PTGES2: variants seen among roughly 807,000 people sequenced by gnomAD.
PTGES2 encodes prostaglandin E synthase 2.
A neutral mutation model predicts 44.5 loss-of-function variants in PTGES2; 35 were observed. The observed-to-expected ratio is 0.79, with a 90% CI of 0.60 to 1.04. The LOEUF (loss-of-function observed/expected upper bound fraction) is 1.04. PTGES2 is among the 50% of genes least tolerant of loss of function. The pLI, the probability that PTGES2 is intolerant of heterozygous loss-of-function variation, is 0.00. For missense variants in PTGES2, 517 were observed against 521.4 expected (o/e 0.99, Z 0.08); for synonymous variants, 221 against 227.5 (o/e 0.97, Z 0.26).
rs571006111 is a variant in PTGES2 at position 128,122,591 on chromosome 9, G to A, written c.888-112C>T. On this transcript the variant is annotated intron_variant, in intron 5 of 6. Transcript: ENST00000338961. ...GTGTGGAAGCCAGGACGGCACCCCA[G>A]GTGAGAGCATCACATCTGCAGACGC... is the stretch of plus-strand genomic sequence containing the variant. 27 of 865,024 alleles carry A rather than the reference G, an allele frequency of 3.1e-5. No individual in the cohort carries two copies. In the African/African-American group the frequency reaches 4.0e-4, roughly 13 times the overall value. 53.6% of individuals were successfully genotyped at this position (865,024 alleles called of 1,614,324 possible).
intron 6 of PTGES2, among the ~76,000 whole-genome samples, chr9:128,122,057 AG>A (rs1834430663): frequency 6.6e-6 from 1 of 152,128 alleles, no homozygotes; most frequent in African/African-American, 2.4e-5. Context: ...AGCCAACTCC[AG>A]GGAGGGCAGT....
At position 128,124,626 on chromosome 9, in the gene PTGES2, C is replaced by T. The variant is rs1010563795; in HGVS notation, c.478-76G>A. On this transcript the variant is annotated intron_variant, in intron 2 of 6. Transcript: ENST00000338961. ...AGTCACCAGGGGCTCTTTAACAAGA[C>T]ACTCTGGGCATTGTTTATCCATTCC... is the stretch of plus-strand genomic sequence containing the variant. 35 of 1,488,134 alleles carry T rather than the reference C, an allele frequency of 2.4e-5. No homozygotes were observed. The East Asian group carries it at 3.2e-4, about 14-fold the overall frequency. 92.2% of individuals were successfully genotyped at this position (1,488,134 alleles called of 1,614,324 possible).
rs563728106 is a variant in PTGES2, at chr9:128,122,275, G to A, written c.1005+87C>T. On this transcript the variant is annotated intron_variant, in intron 6 of 6. Coordinates refer to ENST00000338961, the MANE Select transcript of PTGES2 (RefSeq NM_025072.7). Reference sequence around the variant, plus strand: ...GGCAGGTTCCTCTGGCAAGATGCAAGCACCGTCCAGGCTTTCCCTTGCAAA... The same window carrying A: ...GGCAGGTTCCTCTGGCAAGATGCAAACACCGTCCAGGCTTTCCCTTGCAAA... 6.1e-5 allele frequency: 64 copies of A among 1,045,962 alleles called. No individual in the cohort carries two copies. In the Middle Eastern group the frequency reaches 1.0e-3, roughly 17 times the overall value. 64.8% of individuals were successfully genotyped at this position (1,045,962 alleles called of 1,614,324 possible). A position where few individuals can be genotyped will look rare whatever the true frequency, so the allele number is the denominator to read the frequency against.
chr9:128,121,137 G>C lies in PTGES2; in HGVS notation c.*8C>G, dbSNP rs201238358. 20 of 1,579,880 alleles carry C rather than the reference G, an allele frequency of 1.3e-5. No individual in the cohort carries two copies. The Admixed American group carries it at 3.5e-4, about 27-fold the overall frequency. On this transcript the variant is annotated 3_prime_UTR_variant, in exon 7 of 7. Coordinates refer to ENST00000338961, the MANE Select transcript of PTGES2 (RefSeq NM_025072.7). Reference sequence around the variant, plus strand: ...CCGCTGCCTTCCCTCTGCTCTGCGCGGGGACATTCAGTGCGCTGGGGAGGC... The same window carrying C: ...CCGCTGCCTTCCCTCTGCTCTGCGCCGGGACATTCAGTGCGCTGGGGAGGC...
chr9:128,125,296 A>C lies in PTGES2; in HGVS notation c.425T>G (p.Phe142Cys). ...GATGGGCACCTTTCTGTAGGAGGAGAACTTGATCTCAGCCCTGCGCACAGG... is the reference window on the plus strand; with the variant it reads ...GATGGGCACCTTTCTGTAGGAGGAGCACTTGATCTCAGCCCTGCGCACAGG... ...VNPVRRAEIK[F>C]SSYRKVPILV... is the part of the protein sequence containing the mutation. Residue 142 changes from phenylalanine to cysteine, a missense_variant, in exon 2 of 7, where the codon TTC becomes TGC. Physicochemically the swap from Phe to Cys is radical, Grantham distance 205 (BLOSUM62 -2). Transcript: ENST00000338961. 6.2e-7 allele frequency: 1 copy of C among 1,612,712 alleles called. No individual in the cohort carries two copies. The highest frequency in any genetic ancestry group is 8.5e-7 in the Non-Finnish European group (1 of 1,179,394).
chr9:128,128,199 CTCATTGTCCGCT>C (rs1834728130), upstream of PTGES2: 2 of 393,542 alleles, frequency 5.1e-6, no homozygotes, highest in Non-Finnish European at 1.0e-5. Context: ...GCCCTCCCGC[CTCATTGTCCGCT>C]TCCTACTGTG....
intron 6 of PTGES2, 79 bp from the exon 7 acceptor site, chr9:128,121,352 G>A: frequency 6.6e-7 from 1 of 1,526,444 alleles, no homozygotes. Flanking sequence ...CCAGCTGTGT[G>A]GCCAGGTCCC....
rs754317225 is a variant in PTGES2 at position 128,123,894 on chromosome 9, C to T, written c.537-43G>A. On this transcript the variant is annotated intron_variant, in intron 3 of 6. Coordinates refer to ENST00000338961, the MANE Select transcript of PTGES2 (RefSeq NM_025072.7). The surrounding 1 kb of genome is among the most constrained non-coding windows in gnomAD (Gnocchi z 4.4). ...ATATCACCCCAACTCCTTCCCCCTC[C>T]GTCCCCTGTGGCCGACCAACCCCGC... 3.2e-5 allele frequency: 51 copies of T among 1,596,452 alleles called. No individual in the cohort carries two copies. The highest frequency in any genetic ancestry group is 3.9e-5 in the Non-Finnish European group (46 of 1,166,578).
intron 1 of PTGES2, 64 bp from the exon 2 acceptor site, chr9:128,125,505 AG>A: frequency 6.6e-7 from 1 of 1,517,928 alleles, no homozygotes; most frequent in South Asian, 1.1e-5. Context: ...CCTGCCCCCA[AG>A]GGTGTTTTCC....
intron 1 of PTGES2, among the ~76,000 whole-genome samples, chr9:128,125,712 G>T (rs72756815): frequency 0.02 from 3,006 of 152,294 alleles, 46 homozygotes; most frequent in Non-Finnish European, 0.033. Flanking sequence ...ATACTGGACA[G>T]ACCCCTCTTT....
rs367943495 is a variant in PTGES2 at position 128,121,211 on chromosome 9, G to C, written c.1068C>G (p.His356Gln). 1 of 1,598,708 alleles carries C rather than the reference G, an allele frequency of 6.3e-7. No individual in the cohort carries two copies. The highest frequency in any genetic ancestry group is 1.1e-5 in the South Asian group (1 of 88,502). The change falls in exon 7 of 7, where the codon CAC becomes CAG. Residue 356 changes from histidine to glutamine, a missense_variant. Physicochemically the swap from His to Gln is conservative, Grantham distance 24 (BLOSUM62 0). Coordinates refer to ENST00000338961, the MANE Select transcript of PTGES2 (RefSeq NM_025072.7). ...GLDAFDDLMQ[H>Q]THIQPWYLRV... ...GCAGGTACCAGGGCTGGATGTGCGT[G>C]TGCTGCATCAGGTCATCGAACGCAT...
chr9:128,128,258 C>G (rs1834730848), upstream of PTGES2: 1 of 454,754 alleles, frequency 2.2e-6, no homozygotes, highest in Non-Finnish European at 4.4e-6. Flanking sequence ...CCGAAGGGGC[C>G]TTGGAAACCA....
At chr9:128,126,042 G>A (rs992370391) in intron 1 of PTGES2, among the ~76,000 whole-genome samples, 1 of 152,354 alleles carries the variant, frequency 6.6e-6, no homozygotes, top group East Asian at 1.9e-4. Flanking sequence ...TCAAATATCC[G>A]AGGGGGAGGG....
Position 128,126,878 on chromosome 9 carries a change from C to T in PTGES2, c.279+561G>A, listed in dbSNP as rs1421036525. 6.2e-5 allele frequency among the ~76,000 whole-genome samples: 8 copies of T among 129,652 alleles called. No homozygotes were observed. In the Admixed American group the frequency reaches 6.2e-4, roughly 10 times the overall value. 85.1% of individuals were successfully genotyped at this position (129,652 alleles called of 152,430 possible). ...AAACTCCGTCTCAAAAAAAAAAAGT[C>T]TCCTTAAAACATGGTAAAGGCTGGG... On this transcript the variant is annotated intron_variant, in intron 1 of 6. Coordinates refer to ENST00000338961, the MANE Select transcript of PTGES2 (RefSeq NM_025072.7).
At chr9:128,125,578 G>T (rs973788118) in intron 1 of PTGES2, 137 bp from the exon 2 acceptor site, 20 of 801,566 alleles carry the variant, frequency 2.5e-5, no homozygotes, top group Admixed American at 2.2e-4. Flanking sequence ...GGAAGGGGGC[G>T]GTAGGGGAAA....
At position 128,125,390 on chromosome 9, in the gene PTGES2, G is replaced by C. The variant is rs774656506; in HGVS notation, c.331C>G (p.Pro111Ala). The C allele has an allele frequency of 1.2e-6, 2 of 1,614,180 alleles. No homozygotes were observed. The highest frequency in any genetic ancestry group is 1.7e-6 in the Non-Finnish European group (2 of 1,180,014). The change falls in exon 2 of 7, where the codon CCC becomes GCC. Residue 111 changes from proline to alanine, a missense_variant. Physicochemically the swap from Pro to Ala is conservative, Grantham distance 27. Coordinates refer to ENST00000338961, the MANE Select transcript of PTGES2 (RefSeq NM_025072.7). ...QLTLYQYKTC[P>A]FCSKVRAFLD... ...AAGGCTCGGACCTTGCTGCAGAAGG[G>C]ACACGTCTTGTACTGGTACAGGGTC... is the stretch of plus-strand genomic sequence containing the variant.
Position 128,123,827 on chromosome 9 carries a change from G to A in PTGES2, c.561C>T (p.Thr187=), listed in dbSNP as rs1410052878. The change falls in exon 4 of 7, where the codon ACC becomes ACT. Residue 187 remains threonine, a synonymous_variant. Transcript: ENST00000338961. The surrounding 1 kb of genome is among the most constrained non-coding windows in gnomAD (Gnocchi z 4.4). ...VSGQPLEEII[T]YYPAMKAVNE... is the part of the protein sequence containing the mutation. Reference sequence around the variant, plus strand: ...TCACAGCCTTCATGGCTGGGTAGTAGGTGATGATCTCTTCCAGGGGCTGCC... The same window carrying A: ...TCACAGCCTTCATGGCTGGGTAGTAAGTGATGATCTCTTCCAGGGGCTGCC... The A allele has an allele frequency of 6.2e-7, 1 of 1,613,944 alleles. No homozygotes were observed. The highest frequency in any genetic ancestry group is 8.5e-7 in the Non-Finnish European group (1 of 1,179,978).
chr9:128,122,587 C>A, intron 5 of PTGES2, 108 bp from the exon 6 acceptor site: 1 of 902,378 alleles, frequency 1.1e-6, no homozygotes, highest in South Asian at 1.5e-5. Context: ...AGGACGGCAC[C>A]CCAGGTGAGA....
At position 128,122,488 on chromosome 9, in the gene PTGES2, G is replaced by A. The variant is rs747921738; in HGVS notation, c.888-9C>T. 9.3e-6 allele frequency: 15 copies of A among 1,611,720 alleles called. No individual in the cohort carries two copies. Among genetic ancestry groups the A allele is most frequent in the Middle Eastern group, 3.3e-4 (2 of 6,054 alleles). ...TGTCCTGGAGGCGGTGCCTGGGCGG[G>A]GAAGGGAAAAGCCCCTCAGGGGAGC... is the stretch of plus-strand genomic sequence containing the variant. On this transcript the variant is annotated splice_polypyrimidine_tract_variant and intron_variant, in intron 5 of 6. Coordinates refer to ENST00000338961, the MANE Select transcript of PTGES2 (RefSeq NM_025072.7).
Sources: gnomAD v4.1 joint callset for allele counts (sites outside exome capture counted in the v4.1 genomes callset) on GRCh38, gnomAD v4.1.1 for gene constraint, Gnocchi (gnomAD v3.1) non-coding constraint, MANE v1.5 for transcripts, NCBI Gene and HGNC (gene_info 2026-07-23, HGNC 2026-07-21) for gene names.